Variants in LRBA observed in about 807,000 individuals in gnomAD.
LRBA encodes LPS responsive beige-like anchor protein.
A neutral mutation model predicts 330.0 loss-of-function variants in LRBA; 176 were observed. The observed-to-expected ratio is 0.53, with a 90% CI of 0.47 to 0.60. The LOEUF (loss-of-function observed/expected upper bound fraction) is 0.60, where lower values mean the gene tolerates loss of function less well. LRBA is among the 20% of genes least tolerant of loss of function. The probability of loss-of-function intolerance (pLI) is 0.00; values close to 1 mark genes in which losing one functional copy is unlikely to be tolerated. For synonymous variants in LRBA, 1,230 were observed against 1,193.0 expected, an observed-to-expected ratio of 1.03 and a Z score of -0.64; for missense variants, 3,259 against 3,444.8, an observed-to-expected ratio of 0.95 and a Z score of 1.35.
intron 40 of LRBA, among the ~76,000 whole-genome samples, chr4:150,512,987 C>A (rs1473910491): frequency 6.6e-6 from 1 of 152,034 alleles, no homozygotes; most frequent in African/African-American, 2.4e-5. Flanking sequence ...AAGTCATAGG[C>A]TATGTTAAGT....
At chr4:150,390,230 T>C (rs1743728329) in intron 47 of LRBA, among the ~76,000 whole-genome samples, 2 of 152,214 alleles carry the variant, frequency 1.3e-5, no homozygotes, top group African/African-American at 4.8e-5. Context: ...GTCTATCTTC[T>C]TGAAAAGTAC....
chr4:151,000,724 G>C (rs1254241366), intron 2 of LRBA, among the ~76,000 whole-genome samples: 1 of 152,214 alleles, frequency 6.6e-6, no homozygotes. Flanking sequence ...GCTTCAAGAT[G>C]GCTGACTAGA....
At chr4:150,880,402 C>T (rs911429813) in intron 17 of LRBA, among the ~76,000 whole-genome samples, 1 of 152,038 alleles carries the variant, frequency 6.6e-6, no homozygotes, top group African/African-American at 2.4e-5. Context: ...TGCCTGTAAT[C>T]CCAGCTACCT....
chr4:150,619,355 A>G (rs1776084131), intron 37 of LRBA, among the ~76,000 whole-genome samples: 1 of 152,172 alleles, frequency 6.6e-6, no homozygotes, highest in South Asian at 2.1e-4. Flanking sequence ...GATTTGAGTC[A>G]TTCTCAGAGG....
chr4:150,657,489 T>C (rs1312514125), intron 37 of LRBA, among the ~76,000 whole-genome samples: 1 of 151,972 alleles, frequency 6.6e-6, no homozygotes, highest in African/African-American at 2.4e-5. Context: ...TAGGGAAAAA[T>C]GATTAATTTC....
chr4:150,645,019 A>G (rs887437217), intron 37 of LRBA, among the ~76,000 whole-genome samples: 2 of 151,500 alleles, frequency 1.3e-5, no homozygotes, highest in Non-Finnish European at 3.0e-5. Context: ...CTTTTTTTTC[A>G]TGGTCTTAAC....
chr4:150,595,625 A>C (rs1342498386), intron 38 of LRBA, among the ~76,000 whole-genome samples: 1 of 151,960 alleles, frequency 6.6e-6, no homozygotes, highest in African/African-American at 2.4e-5. Context: ...CATTTTTTAC[A>C]TGTCTTTAAT....
chr4:150,853,711 G>A (rs916568271), intron 22 of LRBA, among the ~76,000 whole-genome samples: 2 of 152,040 alleles, frequency 1.3e-5, no homozygotes, highest in Non-Finnish European at 2.9e-5. Context: ...ACTTGTTAAT[G>A]TCACAAGATT....
At chr4:150,800,904 G>C (rs1741516860) in intron 33 of LRBA, among the ~76,000 whole-genome samples, 1 of 152,144 alleles carries the variant, frequency 6.6e-6, no homozygotes, top group African/African-American at 2.4e-5. Flanking sequence ...GGAATTTTAT[G>C]ATCAAAGACC....
intron 40 of LRBA, chr4:150,584,517 A>G (rs1771856595): frequency 7.0e-6 from 1 of 143,666 alleles, no homozygotes; most frequent in African/African-American, 3.1e-5. Context: ...GAATGTTGTC[A>G]CCAAGTGAAA....
intron 34 of LRBA, among the ~76,000 whole-genome samples, chr4:150,775,541 G>C (rs1162161518): frequency 6.6e-6 from 1 of 150,402 alleles, no homozygotes; most frequent in Non-Finnish European, 1.5e-5. Flanking sequence ...GGAAATTCTA[G>C]GCTGATGATA....
rs1561118011 is a variant in LRBA at position 151,003,077 on chromosome 4, A to AGTGT, written c.216+11349_216+11350insACAC. On this transcript the variant is annotated intron_variant, in intron 2 of 56. Coordinates refer to ENST00000651943, the MANE Select transcript of LRBA (RefSeq NM_001364905.1). ...GTGTGTGTGTGTGTGTGTGTGTACC[A>AGTGT]ACATCATTTTTCACAGAAATAGAAA... is the stretch of plus-strand genomic sequence containing the variant. Among the ~76,000 whole-genome samples the AGTGT allele has an allele frequency of 6.3e-3, 927 of 146,956 alleles. 11 individuals carry two copies. The highest frequency in any genetic ancestry group is 0.023 in the African/African-American group (883 of 38,380).
At chr4:150,985,846 GA>G (rs145049396) in intron 2 of LRBA, among the ~76,000 whole-genome samples, 3,070 of 151,926 alleles carry the variant, frequency 0.02, 86 homozygotes, top group African/African-American at 0.07. Context: ...TTGTTAGGAG[GA>G]AAAAATAAAA....
chr4:150,489,052 T>C (rs1476980211), intron 41 of LRBA, among the ~76,000 whole-genome samples: 1 of 114,770 alleles, frequency 8.7e-6, no homozygotes, highest in Non-Finnish European at 1.7e-5. Context: ...ATATATTATA[T>C]ATAAGAATAT....
At chr4:150,436,073 T>C (rs1487886996) in intron 45 of LRBA, among the ~76,000 whole-genome samples, 1 of 152,136 alleles carries the variant, frequency 6.6e-6, no homozygotes. Flanking sequence ...TAATTTATGA[T>C]TAAGAAAAGA....
chr4:150,579,798 C>G (rs1771028306), intron 40 of LRBA: 2 of 446,618 alleles, frequency 4.5e-6, no homozygotes, highest in Non-Finnish European at 9.0e-6. Context: ...TCCGCCACCC[C>G]TGAGGCTGTT....
chr4:150,449,916 G>T (rs1753139502), intron 44 of LRBA, among the ~76,000 whole-genome samples: 2 of 152,076 alleles, frequency 1.3e-5, no homozygotes, highest in African/African-American at 4.8e-5. Flanking sequence ...ATAAAAAACA[G>T]CAAGAAGGTA....
intron 2 of LRBA, among the ~76,000 whole-genome samples, chr4:150,961,135 A>T (rs1437602048): frequency 3.4e-5 from 5 of 149,192 alleles, no homozygotes; most frequent in Non-Finnish European, 4.4e-5. Flanking sequence ...CTGTGGCTGT[A>T]GATGAGATTC....
rs887745665 is a variant in LRBA, at chr4:150,863,005, C to T, written c.2766+4666G>A. Among the ~76,000 whole-genome samples, 6 of 152,110 alleles carry T rather than the reference C, an allele frequency of 3.9e-5. 1 individual carries two copies. Among genetic ancestry groups the T allele is most frequent in the Admixed American group, 3.9e-4 (6 of 15,274 alleles). On this transcript the variant is annotated intron_variant, in intron 22 of 56. Coordinates refer to ENST00000651943, the MANE Select transcript of LRBA (RefSeq NM_001364905.1). The stretch of plus-strand genomic sequence containing the variant: ...TTTAAAAAAGACACACACACACACA[C>T]ACACACATTCTAACCGGGTGTGTGG...
Sources: allele counts gnomAD v4.1 joint callset (sites outside exome capture counted in the v4.1 genomes callset), GRCh38; gene constraint gnomAD v4.1.1; transcripts MANE v1.5; gene names NCBI Gene and HGNC (gene_info 2026-07-23, HGNC 2026-07-21).